The following SLCO3A1 variants were observed in gnomAD, a reference collection of about 807,000 sequenced individuals.
SLCO3A1 encodes the protein PGE1 transporter.
SLCO3A1 carries 27 observed loss-of-function variants against 63.1 expected under a neutral mutation model. That is an observed-to-expected ratio of 0.43 (90% CI 0.32 to 0.59). The LOEUF is 0.59. Among genes scored for constraint, SLCO3A1 ranks in the 20% least tolerant of loss-of-function variants. The pLI is 0.09. For synonymous variants in SLCO3A1, 473 were observed against 409.9 expected, an observed-to-expected ratio of 1.15 and a Z score of -1.86; for missense variants, 773 against 945.8, an observed-to-expected ratio of 0.82 and a Z score of 2.40.
intron 9 of SLCO3A1, among the ~76,000 whole-genome samples, chr15:92,152,128 A>G (rs1401471545): frequency 2.0e-5 from 3 of 152,234 alleles, no homozygotes; most frequent in African/African-American, 7.2e-5. Flanking sequence ...ATTATCTTTG[A>G]GTAATAAGGT....
At chr15:91,929,241 A>G (rs1899138008) in intron 2 of SLCO3A1, among the ~76,000 whole-genome samples, 1 of 152,162 alleles carries the variant, frequency 6.6e-6, no homozygotes, top group Non-Finnish European at 1.5e-5. Context: ...GGGAGTGGCA[A>G]AGGCAGGCCT....
chr15:92,107,566 C>G (rs889716489), intron 4 of SLCO3A1, among the ~76,000 whole-genome samples: 1 of 152,190 alleles, frequency 6.6e-6, no homozygotes, highest in East Asian at 1.9e-4. Context: ...ATAAGCTGAA[C>G]GGCGTTGCAT....
chr15:92,158,192 G>A (rs973655922), intron 9 of SLCO3A1, among the ~76,000 whole-genome samples: 8 of 152,154 alleles, frequency 5.3e-5, no homozygotes, highest in Admixed American at 2.0e-4. Flanking sequence ...AGGAAGGGCT[G>A]CCCGCTTTGC....
At chr15:91,937,988 A>C (rs533034396) in intron 2 of SLCO3A1, among the ~76,000 whole-genome samples, 22 of 152,310 alleles carry the variant, frequency 1.4e-4, no homozygotes, top group Admixed American at 5.9e-4. Flanking sequence ...TGAATCAGTT[A>C]ATACAGGTGA....
intron 2 of SLCO3A1, among the ~76,000 whole-genome samples, chr15:92,004,190 GGAC>G (rs1362881305): frequency 2.8e-4 from 42 of 152,192 alleles, no homozygotes; most frequent in Non-Finnish European, 4.4e-5. Context: ...GAGCCATGCT[GGAC>G]TAGCTGGGAG....
chr15:92,065,187 GT>G (rs2047135682), intron 2 of SLCO3A1, among the ~76,000 whole-genome samples: 1 of 152,088 alleles, frequency 6.6e-6, no homozygotes, highest in African/African-American at 2.4e-5. Context: ...GGTTCAAGCA[GT>G]TCTCCTGCCT....
chr15:92,022,861 C>T (rs2046527560), intron 2 of SLCO3A1, among the ~76,000 whole-genome samples: 1 of 148,210 alleles, frequency 6.7e-6, no homozygotes, highest in South Asian at 2.1e-4. Flanking sequence ...AAGGCAGGGG[C>T]ACTGGGAAGC....
At chr15:91,929,028 A>G (rs1899130722) in intron 2 of SLCO3A1, among the ~76,000 whole-genome samples, 1 of 152,236 alleles carries the variant, frequency 6.6e-6, no homozygotes, top group Non-Finnish European at 1.5e-5. Flanking sequence ...AGGTAGGGCA[A>G]GAAAGACTTC....
chr15:92,046,398 C>T (rs1204878744), intron 2 of SLCO3A1, among the ~76,000 whole-genome samples: 1 of 151,876 alleles, frequency 6.6e-6, no homozygotes, highest in Non-Finnish European at 1.5e-5. Flanking sequence ...ATGTGGCTGG[C>T]AGGCACCTAT....
At chr15:91,905,290 G>A (rs3924427) in intron 1 of SLCO3A1, among the ~76,000 whole-genome samples, 87,143 of 152,018 alleles carry the variant, frequency 0.57, 25,576 homozygotes, top group East Asian at 0.91. Flanking sequence ...TTCTGATAGT[G>A]TATATAGCTA....
intron 1 of SLCO3A1, among the ~76,000 whole-genome samples, chr15:91,878,727 C>T (rs1245849668): frequency 1.3e-5 from 2 of 152,032 alleles, no homozygotes; most frequent in African/African-American, 4.8e-5. Context: ...ATTTTCATGC[C>T]CAGAAAAATT....
At chr15:91,855,765 C>T (rs1433291758) in intron 1 of SLCO3A1, among the ~76,000 whole-genome samples, 2 of 152,102 alleles carry the variant, frequency 1.3e-5, no homozygotes, top group Non-Finnish European at 2.9e-5. Flanking sequence ...TGGGTCTGTA[C>T]TGTGACATAT....
intron 7 of SLCO3A1, among the ~76,000 whole-genome samples, chr15:92,140,621 T>TTTGTAGG (rs1160696109): frequency 3.3e-5 from 5 of 152,202 alleles, no homozygotes; most frequent in African/African-American, 1.2e-4. Flanking sequence ...TCTAATTCTC[T>TTTGTAGG]TTGTAGGTCA....
At position 92,164,345 on chromosome 15, in the gene SLCO3A1, A is replaced by G; in HGVS notation, c.*1210A>G. 5.1e-6 allele frequency: 5 copies of G among 985,402 alleles called. No homozygotes were observed. The highest frequency in any genetic ancestry group is 6.0e-6 in the Non-Finnish European group (5 of 829,862). The allele number at this position is 985,402 out of a possible 1,614,324, so 61.0% of individuals were successfully genotyped here. A position where few individuals can be genotyped will look rare whatever the true frequency, so the allele number is the denominator to read the frequency against. On this transcript the variant is annotated 3_prime_UTR_variant, in exon 10 of 10. Transcript: ENST00000318445. Reference sequence around the variant, plus strand: ...AAAATGCTTCAAAAAGAGAGTGTATATGCAGCCTGCCTTTAAAAGAATCAC... The same window carrying G: ...AAAATGCTTCAAAAAGAGAGTGTATGTGCAGCCTGCCTTTAAAAGAATCAC...
rs1000717964 is a variant in SLCO3A1 at position 91,863,814 on chromosome 15, G to A, written c.180+9726G>A. On this transcript the variant is annotated intron_variant, in intron 1 of 9. Transcript: ENST00000318445. This position sits in a 1 kb window ranked among gnomAD's most constrained non-coding sequence, Gnocchi z 4.3. ...CTCCTGACTTATTGTGTGGCATGTC[G>A]TGTCGCCTCCCCAGTGCTGGTACAT... Among the ~76,000 whole-genome samples the A allele has an allele frequency of 3.9e-5, 6 of 152,192 alleles. No homozygotes were observed. Among genetic ancestry groups the A allele is most frequent in the East Asian group, 1.9e-4 (1 of 5,186 alleles).
rs781118085 is a variant in SLCO3A1, at chr15:92,104,401, C to A, written c.868C>A (p.Pro290Thr). The change falls in exon 4 of 10, where the codon CCC becomes ACC. Residue 290 changes from proline (P) to threonine (T), a missense_variant. Pro to Thr is a conservative substitution (Grantham distance 38, BLOSUM62 -1). Around this residue, in one of 3 missense-constraint regions of SLCO3A1, gnomAD observed 565 missense variants for 749.8 expected, o/e 0.75. Coordinates refer to ENST00000318445, the MANE Select transcript of SLCO3A1 (RefSeq NM_013272.4). ...GATGTTTGGGTTTCCACAGTCCCTGCCCCCGCACTCAGAGCCCGCCATGGA... is the reference window on the plus strand; with the variant it reads ...GATGTTTGGGTTTCCACAGTCCCTGACCCCGCACTCAGAGCCCGCCATGGA... ...LLMFGFPQSL[P>T]PHSEPAMESE... is the part of the protein sequence containing the mutation. 1.2e-6 allele frequency: 2 copies of A among 1,614,166 alleles called. No individual in the cohort carries two copies. Among genetic ancestry groups the A allele is most frequent in the Non-Finnish European group, 1.7e-6 (2 of 1,180,028 alleles).
intron 2 of SLCO3A1, among the ~76,000 whole-genome samples, chr15:92,027,541 C>T (rs1446007854): frequency 6.6e-6 from 1 of 152,206 alleles, no homozygotes; most frequent in African/African-American, 2.4e-5. Context: ...CGTCTTCACC[C>T]GTGCTTTGGC....
At chr15:91,931,209 T>C (rs1899216211) in intron 2 of SLCO3A1, among the ~76,000 whole-genome samples, 1 of 152,112 alleles carries the variant, frequency 6.6e-6, no homozygotes, top group South Asian at 2.1e-4. Flanking sequence ...GTAAACTCGG[T>C]TTTTCATAGG....
chr15:91,959,406 G>T (rs56057819), intron 2 of SLCO3A1, among the ~76,000 whole-genome samples: 2 of 151,822 alleles, frequency 1.3e-5, no homozygotes, highest in Non-Finnish European at 2.9e-5. Flanking sequence ...AAAAACCACT[G>T]GTACTCCAAA....
Sources: gnomAD v4.1 joint callset for allele counts (sites outside exome capture counted in the v4.1 genomes callset) on GRCh38, gnomAD v4.1.1 for gene constraint, gnomAD v4.1.1 regional missense constraint, Gnocchi (gnomAD v3.1) non-coding constraint, MANE v1.5 for transcripts, NCBI Gene and HGNC (gene_info 2026-07-23, HGNC 2026-07-21) for gene names.